KCNIP4: variants seen among roughly 807,000 people sequenced by gnomAD.
The protein encoded by KCNIP4 is potassium voltage-gated channel interacting protein 4.
KCNIP4 carries 12 observed loss-of-function variants against 34.0 expected under a neutral mutation model. The observed-to-expected ratio is 0.35, with a 90% confidence interval of 0.23 to 0.57. The LOEUF (loss-of-function observed/expected upper bound fraction) is 0.57. KCNIP4 is among the 20% of genes least tolerant of loss of function. The pLI is 0.83. For synonymous variants in KCNIP4, 124 were observed against 102.2 expected (o/e 1.21, Z -1.29); for missense variants, 238 against 311.7 (o/e 0.76, Z 1.78).
intron 1 of KCNIP4, among the ~76,000 whole-genome samples, chr4:21,789,678 T>A (rs1310896999): frequency 6.6e-6 from 1 of 152,200 alleles, no homozygotes; most frequent in Non-Finnish European, 1.5e-5. Context: ...GTTTCTTATA[T>A]CGTTTCCTAA....
intron 1 of KCNIP4, among the ~76,000 whole-genome samples, chr4:20,954,111 G>A (rs1329374812): frequency 6.6e-6 from 1 of 152,104 alleles, no homozygotes; most frequent in Non-Finnish European, 1.5e-5. Context: ...TTATCTTCAA[G>A]AATAAGTATT....
intron 1 of KCNIP4, among the ~76,000 whole-genome samples, chr4:21,711,938 G>GTATTATACT (rs1713760520): frequency 6.6e-6 from 1 of 152,112 alleles, no homozygotes; most frequent in Non-Finnish European, 1.5e-5. Flanking sequence ...GAAGGGTTAA[G>GTATTATACT]TAACTGGCCT....
chr4:21,325,167 G>C (rs542307513), intron 1 of KCNIP4, among the ~76,000 whole-genome samples: 2 of 151,994 alleles, frequency 1.3e-5, no homozygotes, highest in Admixed American at 1.3e-4. Flanking sequence ...AGAATAGTTT[G>C]AGTAGGACTG....
intron 1 of KCNIP4, among the ~76,000 whole-genome samples, chr4:21,556,721 G>A (rs948303300): frequency 6.6e-6 from 1 of 151,882 alleles, no homozygotes; most frequent in African/African-American, 2.4e-5. Context: ...AGGAGTTCCA[G>A]ACCTGCCTGG....
Position 20,941,791 on chromosome 4 carries a change from G to C in KCNIP4, c.62-59082C>G, listed in dbSNP as rs183044309. ...AGAGTGAGGAGGAAATATTTTATTA[G>C]TTGTCCAGTATATAGAGAAATGAGA... is the stretch of plus-strand genomic sequence containing the variant. On this transcript the variant is annotated intron_variant, in intron 1 of 8. Coordinates refer to ENST00000382152, the MANE Select transcript of KCNIP4 (RefSeq NM_025221.6). Among the ~76,000 whole-genome samples the C allele has an allele frequency of 2.1e-4, 32 of 152,252 alleles. No homozygotes were observed. In the East Asian group the frequency reaches 6.2e-3, roughly 29 times the overall value.
At chr4:21,784,431 AC>A (rs902906644) in intron 1 of KCNIP4, among the ~76,000 whole-genome samples, 3 of 143,608 alleles carry the variant, frequency 2.1e-5, no homozygotes, top group African/African-American at 6.0e-5. Flanking sequence ...AGAAAAAAAA[AC>A]ATTTTTTGAT....
chr4:21,700,418 A>G (rs939606049), intron 1 of KCNIP4, among the ~76,000 whole-genome samples: 12 of 152,058 alleles, frequency 7.9e-5, no homozygotes, highest in African/African-American at 2.4e-4. Context: ...TCCTTTGCCC[A>G]CTTTTTAAAA....
At chr4:21,677,697 C>T (rs1750016738) in intron 1 of KCNIP4, among the ~76,000 whole-genome samples, 1 of 152,180 alleles carries the variant, frequency 6.6e-6, no homozygotes, top group Admixed American at 6.5e-5. Flanking sequence ...CTAACTCCCA[C>T]TGCAGCCTCC....
At chr4:20,937,130 C>T (rs1164168398) in intron 1 of KCNIP4, among the ~76,000 whole-genome samples, 1 of 151,430 alleles carries the variant, frequency 6.6e-6, no homozygotes, top group Non-Finnish European at 1.5e-5. Context: ...TGTTTGACCA[C>T]TGCTGTGACT....
At chr4:21,158,285 A>G (rs1015450192) in intron 1 of KCNIP4, among the ~76,000 whole-genome samples, 1 of 152,126 alleles carries the variant, frequency 6.6e-6, no homozygotes, top group African/African-American at 2.4e-5. Flanking sequence ...AAGAAGGAAG[A>G]CTTCCACAAA....
intron 1 of KCNIP4, among the ~76,000 whole-genome samples, chr4:21,207,992 G>A (rs1048840746): frequency 5.3e-5 from 8 of 151,398 alleles, no homozygotes; most frequent in East Asian, 1.9e-4. Context: ...ATAGGTGTAC[G>A]CCACCAGGCC....
intron 1 of KCNIP4, among the ~76,000 whole-genome samples, chr4:21,207,843 C>CTTTTT (rs531286039): frequency 3.5e-5 from 4 of 115,120 alleles, no homozygotes; most frequent in Admixed American, 9.0e-5. Context: ...TTTTCTTTTT[C>CTTTTT]TTTTTTTTTT....
At chr4:21,422,752 G>T (rs913135352) in intron 1 of KCNIP4, among the ~76,000 whole-genome samples, 4 of 152,078 alleles carry the variant, frequency 2.6e-5, no homozygotes, top group African/African-American at 7.2e-5. Context: ...AAGCCCAGCA[G>T]AGAAGCTACT....
chr4:21,501,242 T>A lies in KCNIP4; in HGVS notation c.61+447329A>T, dbSNP rs1389536896. Among the ~76,000 whole-genome samples the A allele has an allele frequency of 8.6e-3, 1,139 of 132,244 alleles. 11 individuals are homozygous for A. Among genetic ancestry groups the A allele is most frequent in the African/African-American group, 0.033 (1,094 of 32,728 alleles). 86.8% of individuals were successfully genotyped at this position (132,244 alleles called of 152,430 possible). A position where few individuals can be genotyped will look rare whatever the true frequency, so the allele number is the denominator to read the frequency against. Reference sequence around the variant, plus strand: ...CTGCCTTTCTCTCTCTCTCTCTCTCTCTCTCTCACACACACACACACACAC... The same window carrying A: ...CTGCCTTTCTCTCTCTCTCTCTCTCACTCTCTCACACACACACACACACAC... On this transcript the variant is annotated intron_variant, in intron 1 of 8. Coordinates refer to ENST00000382152, the MANE Select transcript of KCNIP4 (RefSeq NM_025221.6).
intron 1 of KCNIP4, among the ~76,000 whole-genome samples, chr4:21,066,655 TG>T (rs1309796127): frequency 2.0e-5 from 3 of 152,064 alleles, no homozygotes; most frequent in Non-Finnish European, 4.4e-5. Flanking sequence ...AAAAGTAACA[TG>T]GGGTGGAAGT....
intron 2 of KCNIP4, among the ~76,000 whole-genome samples, chr4:20,861,608 C>A (rs1411793148): frequency 6.6e-6 from 1 of 152,108 alleles, no homozygotes; most frequent in Non-Finnish European, 1.5e-5. Context: ...CTTTATCTTA[C>A]TTAATATTTG....
intron 1 of KCNIP4, among the ~76,000 whole-genome samples, chr4:20,997,764 G>GTT (rs1737697616): frequency 1.3e-5 from 2 of 152,156 alleles, no homozygotes; most frequent in African/African-American, 4.8e-5. Flanking sequence ...GGATCAATCT[G>GTT]TTATTGTCTG....
intron 1 of KCNIP4, among the ~76,000 whole-genome samples, chr4:21,778,348 C>G (rs1719334444): frequency 6.7e-6 from 1 of 149,364 alleles, no homozygotes; most frequent in African/African-American, 2.5e-5. Context: ...GATCCTCCCA[C>G]TTCAGCCTCC....
chr4:20,729,954 A>G lies in KCNIP4; in HGVS notation c.*128T>C. The G allele has an allele frequency of 8.8e-7, 1 of 1,137,596 alleles. No homozygotes were observed. Among genetic ancestry groups the G allele is most frequent in the Non-Finnish European group, 1.2e-6 (1 of 839,498 alleles). 70.5% of individuals were successfully genotyped at this position (1,137,596 alleles called of 1,614,324 possible). On this transcript the variant is annotated 3_prime_UTR_variant, in exon 9 of 9. Transcript: ENST00000382152. ...CTTTTGGGGATTGCTTTATATTAAAACAAAGCTTGTTTGCATAATATGCTT... is the reference window on the plus strand; with the variant it reads ...CTTTTGGGGATTGCTTTATATTAAAGCAAAGCTTGTTTGCATAATATGCTT...
Sources: gnomAD v4.1 joint callset for allele counts (sites outside exome capture counted in the v4.1 genomes callset) on GRCh38, gnomAD v4.1.1 for gene constraint, MANE v1.5 for transcripts, NCBI Gene and HGNC (gene_info 2026-07-23, HGNC 2026-07-21) for gene names.